Variants in GRID2 observed in about 807,000 individuals in gnomAD.
GRID2 encodes the protein glutamate ionotropic receptor delta type subunit 2, also known as glutamate receptor ionotropic, delta-2.
Under a neutral mutation model 114.8 loss-of-function variants are expected in GRID2, and 33 were observed. The observed-to-expected ratio is 0.29, with a 90% confidence interval of 0.22 to 0.38. The LOEUF (loss-of-function observed/expected upper bound fraction) is 0.38, where lower values mean the gene tolerates loss of function less well. Among genes scored for constraint, GRID2 ranks in the 10% least tolerant of loss-of-function variants. The probability of loss-of-function intolerance (pLI) is 1.00; values close to 1 mark genes in which losing one functional copy is unlikely to be tolerated. For synonymous variants in GRID2, 505 were observed against 449.9 expected (o/e 1.12, Z -1.55); for missense variants, 1,184 against 1,257.7 (o/e 0.94, Z 0.89).
At chr4:92,551,797 A>G (rs1464373403) in intron 1 of GRID2, among the ~76,000 whole-genome samples, 1 of 152,156 alleles carries the variant, frequency 6.6e-6, no homozygotes, top group Non-Finnish European at 1.5e-5. Flanking sequence ...GCAGTAGTCT[A>G]TGCATGAAGT....
chr4:92,721,424 T>A (rs1735804414), intron 2 of GRID2, among the ~76,000 whole-genome samples: 1 of 152,162 alleles, frequency 6.6e-6, no homozygotes, highest in African/African-American at 2.4e-5. Flanking sequence ...CTGAATTTAT[T>A]CTCTAAATTT....
At chr4:92,756,617 T>C (rs1432675398) in intron 2 of GRID2, among the ~76,000 whole-genome samples, 1 of 152,186 alleles carries the variant, frequency 6.6e-6, no homozygotes, top group Non-Finnish European at 1.5e-5. Context: ...AATGTCTTTT[T>C]GATAAAAGTC....
intron 2 of GRID2, among the ~76,000 whole-genome samples, chr4:92,932,372 C>T (rs1750308757): frequency 2.6e-5 from 4 of 151,342 alleles, no homozygotes; most frequent in Admixed American, 2.0e-4. Context: ...TAGACACACA[C>T]ACATACATGC....
At chr4:93,582,626 A>G (rs1321610950) in intron 13 of GRID2, among the ~76,000 whole-genome samples, 1 of 152,218 alleles carries the variant, frequency 6.6e-6, no homozygotes, top group East Asian at 1.9e-4. Context: ...TAAAATAAAT[A>G]TAATTTCTGA....
chr4:93,056,042 G>A, intron 2 of GRID2, among the ~76,000 whole-genome samples: 1 of 151,780 alleles, frequency 6.6e-6, no homozygotes, highest in East Asian at 1.9e-4. Flanking sequence ...AACTCATTAA[G>A]GTCCCACATA....
chr4:92,577,732 T>C (rs559731681), intron 1 of GRID2, among the ~76,000 whole-genome samples: 1 of 152,272 alleles, frequency 6.6e-6, no homozygotes, highest in African/African-American at 2.4e-5. Flanking sequence ...AGGATTCTTC[T>C]ATAAAGGAGT....
At chr4:93,216,294 G>C (rs550655672) in intron 5 of GRID2, among the ~76,000 whole-genome samples, 1 of 151,792 alleles carries the variant, frequency 6.6e-6, no homozygotes, top group East Asian at 1.9e-4. Flanking sequence ...GTATGTGTGC[G>C]TATGTATGCA....
At chr4:92,976,402 T>C (rs980231632) in intron 2 of GRID2, among the ~76,000 whole-genome samples, 5 of 152,138 alleles carry the variant, frequency 3.3e-5, no homozygotes, top group Admixed American at 1.3e-4. Context: ...CAGAGACAGA[T>C]ACACATGTAC....
intron 2 of GRID2, among the ~76,000 whole-genome samples, chr4:92,613,974 A>G (rs1729879618): frequency 6.6e-6 from 1 of 151,512 alleles, no homozygotes; most frequent in South Asian, 2.1e-4. Flanking sequence ...CATATAATAT[A>G]TAGTGATTAT....
At chr4:93,093,363 C>T (rs1730940244) in intron 3 of GRID2, among the ~76,000 whole-genome samples, 1 of 151,998 alleles carries the variant, frequency 6.6e-6, no homozygotes, top group African/African-American at 2.4e-5. Context: ...GGCTTCTTCT[C>T]TTCAGCAGAG....
chr4:92,507,130 C>T (rs2149128339), intron 1 of GRID2, among the ~76,000 whole-genome samples: 1 of 151,916 alleles, frequency 6.6e-6, no homozygotes, highest in East Asian at 1.9e-4. Flanking sequence ...ATCTGGCTTC[C>T]TTCTATCCCC....
chr4:93,481,248 T>G (rs1725834216), intron 11 of GRID2, among the ~76,000 whole-genome samples: 1 of 152,018 alleles, frequency 6.6e-6, no homozygotes, highest in Non-Finnish European at 1.5e-5. Context: ...TTGAAAAGCA[T>G]TTGTGCAGAA....
At chr4:92,692,662 T>A (rs1734232214) in intron 2 of GRID2, among the ~76,000 whole-genome samples, 1 of 151,974 alleles carries the variant, frequency 6.6e-6, no homozygotes, top group Non-Finnish European at 1.5e-5. Flanking sequence ...TGGGGTAAAG[T>A]GGTGAGAGAA....
In GRID2 at chr4:93,065,168, GAAA is replaced by G. The variant is rs1008219377; in HGVS notation, c.245-19822_245-19820del. Among the ~76,000 whole-genome samples, 4 of 151,704 alleles carry G rather than the reference GAAA, an allele frequency of 2.6e-5. No homozygotes were observed. In the South Asian group the frequency reaches 8.3e-4, roughly 32 times the overall value. ...CATTTTTTACTTATTGGTGAGTAGA[GAAA>G]AAAACCCAAGTGAGTTCTGTAAATC... On this transcript the variant is annotated intron_variant, in intron 2 of 15. Transcript: ENST00000282020.
At chr4:92,319,148 T>C (rs1027191095) in intron 1 of GRID2, among the ~76,000 whole-genome samples, 4 of 152,346 alleles carry the variant, frequency 2.6e-5, no homozygotes, top group African/African-American at 7.2e-5. Context: ...TATTTTATAA[T>C]GTATCCTTAG....
chr4:93,136,944 G>A (rs1735313048), intron 4 of GRID2, among the ~76,000 whole-genome samples: 1 of 152,094 alleles, frequency 6.6e-6, no homozygotes, highest in African/African-American at 2.4e-5. Flanking sequence ...ATATTCATAA[G>A]CAAGAAAAAT....
chr4:92,362,973 C>T (rs780405140), intron 1 of GRID2, among the ~76,000 whole-genome samples: 3 of 151,844 alleles, frequency 2.0e-5, no homozygotes, highest in Non-Finnish European at 4.4e-5. Flanking sequence ...AGCTCTAATA[C>T]AAGACTTCAT....
intron 14 of GRID2, among the ~76,000 whole-genome samples, chr4:93,689,937 C>G (rs1052517624): frequency 6.6e-6 from 1 of 151,894 alleles, no homozygotes; most frequent in African/African-American, 2.4e-5. Flanking sequence ...GTCAGAGAGA[C>G]AAAAACAATC....
At chr4:92,836,882 C>T (rs1468328372) in intron 2 of GRID2, among the ~76,000 whole-genome samples, 13 of 152,110 alleles carry the variant, frequency 8.5e-5, no homozygotes, top group Admixed American at 7.9e-4. Context: ...GAAGAGGAAT[C>T]TTTGAAACAG....
Sources: gnomAD v4.1 joint callset for allele counts (sites outside exome capture counted in the v4.1 genomes callset) on GRCh38, gnomAD v4.1.1 for gene constraint, MANE v1.5 for transcripts, NCBI Gene and HGNC (gene_info 2026-07-23, HGNC 2026-07-21) for gene names.